Variants in PLEKHA5 observed in about 807,000 individuals in gnomAD.
PLEKHA5 encodes pleckstrin homology domain containing A5.
PLEKHA5 carries 55 observed loss-of-function variants against 181.9 expected under a neutral mutation model. That is an observed-to-expected ratio of 0.30 (90% CI 0.24 to 0.38). The LOEUF (loss-of-function observed/expected upper bound fraction) is 0.38, where lower values mean the gene tolerates loss of function less well. Among genes scored for constraint, PLEKHA5 ranks in the 10% least tolerant of loss-of-function variants. The probability of loss-of-function intolerance (pLI) is 1.00; values close to 1 mark genes in which losing one functional copy is unlikely to be tolerated. For missense variants in PLEKHA5, 1,432 were observed against 1,549.5 expected (o/e 0.92, Z 1.27); for synonymous variants, 535 against 529.4 (o/e 1.01, Z -0.15).
At chr12:19,284,870 C>G (rs965594871) in intron 12 of PLEKHA5, among the ~76,000 whole-genome samples, 16 of 152,106 alleles carry the variant, frequency 1.1e-4, no homozygotes, top group African/African-American at 3.9e-4. Context: ...AAGGTTGAGG[C>G]TGTAGTAAGC....
chr12:19,243,531 C>T (rs1445355061), intron 3 of PLEKHA5: 1 of 152,180 alleles, frequency 6.6e-6, no homozygotes, highest in Non-Finnish European at 1.5e-5. Flanking sequence ...GAGGTTTTCA[C>T]ACCTGATTAA....
intron 3 of PLEKHA5, among the ~76,000 whole-genome samples, chr12:19,238,061 T>C (rs186908896): frequency 1.3e-5 from 2 of 152,154 alleles, no homozygotes; most frequent in Admixed American, 1.3e-4. Flanking sequence ...TTTCAAGGTC[T>C]TTTAGAAGAA....
chr12:19,216,971 T>A (rs1233333212), intron 3 of PLEKHA5, among the ~76,000 whole-genome samples: 1 of 152,224 alleles, frequency 6.6e-6, no homozygotes, highest in Non-Finnish European at 1.5e-5. Context: ...TAATTACTGA[T>A]GTAGTTATTT....
intron 22 of PLEKHA5, among the ~76,000 whole-genome samples, chr12:19,344,049 C>CAA (rs35734108): frequency 8.3e-6 from 1 of 120,966 alleles, no homozygotes. Flanking sequence ...GAAACTGTCC[C>CAA]AAAAAAAAAA....
intron 3 of PLEKHA5, among the ~76,000 whole-genome samples, chr12:19,232,537 A>G (rs1477845527): frequency 6.6e-6 from 1 of 152,108 alleles, no homozygotes; most frequent in Non-Finnish European, 1.5e-5. Flanking sequence ...AAAACTTGAT[A>G]TTTTCAAATT....
At chr12:19,338,240 T>C (rs2093607828) in intron 21 of PLEKHA5, among the ~76,000 whole-genome samples, 1 of 152,080 alleles carries the variant, frequency 6.6e-6, no homozygotes, top group South Asian at 2.1e-4. Context: ...TTTTGTTCTG[T>C]CACCCAGGCT....
intron 3 of PLEKHA5, among the ~76,000 whole-genome samples, chr12:19,195,387 A>AAAGAGGC (rs3983605): frequency 6.6e-6 from 1 of 151,608 alleles, no homozygotes; most frequent in African/African-American, 2.4e-5. Context: ...GATATAAAGT[A>AAAGAGGC]CGGGTGAGTG....
chr12:19,279,628 C>A (rs2075530493), intron 11 of PLEKHA5, among the ~76,000 whole-genome samples: 1 of 151,508 alleles, frequency 6.6e-6, no homozygotes, highest in South Asian at 2.1e-4. Flanking sequence ...CCATTGCACT[C>A]CAGCCTGGAC....
At chr12:19,312,231 C>T (rs954008503) in intron 15 of PLEKHA5, among the ~76,000 whole-genome samples, 6 of 152,200 alleles carry the variant, frequency 3.9e-5, no homozygotes, top group Non-Finnish European at 8.8e-5. Context: ...GTAGATTTAA[C>T]ATCAGGATTT....
At chr12:19,348,640 AC>A in intron 25 of PLEKHA5, 121 bp downstream of exon 25, 1 of 611,902 alleles carries the variant, frequency 1.6e-6, no homozygotes, top group South Asian at 3.7e-5. Flanking sequence ...TTTATCTGAA[AC>A]CTTTGGACTC....
intron 3 of PLEKHA5, among the ~76,000 whole-genome samples, chr12:19,221,069 T>C (rs1265980779): frequency 1.3e-5 from 2 of 152,160 alleles, no homozygotes; most frequent in Non-Finnish European, 2.9e-5. Flanking sequence ...GAATGCAAAA[T>C]TGGAAGACAT....
At chr12:19,236,377 G>A (rs966252995) in intron 3 of PLEKHA5, among the ~76,000 whole-genome samples, 9 of 152,074 alleles carry the variant, frequency 5.9e-5, no homozygotes, top group Non-Finnish European at 8.8e-5. Flanking sequence ...CACTACTATA[G>A]AATCTATCTT....
chr12:19,298,422 T>TTA (rs2080507873), intron 15 of PLEKHA5, among the ~76,000 whole-genome samples: 1 of 148,056 alleles, frequency 6.8e-6, no homozygotes, highest in African/African-American at 2.5e-5. Context: ...TTTTTTTTTT[T>TTA]TTTTTTTGTA....
chr12:19,285,781 C>T (rs1032793226), intron 12 of PLEKHA5, among the ~76,000 whole-genome samples: 1 of 152,142 alleles, frequency 6.6e-6, no homozygotes, highest in South Asian at 2.1e-4. Flanking sequence ...TGAACCTTAA[C>T]ATTTTGTTAC....
chr12:19,278,102 G>A (rs1185217716), intron 11 of PLEKHA5, among the ~76,000 whole-genome samples: 1 of 152,172 alleles, frequency 6.6e-6, no homozygotes, highest in African/African-American at 2.4e-5. Flanking sequence ...AGGTCTCAAA[G>A]TGCTAGAAAT....
intron 3 of PLEKHA5, among the ~76,000 whole-genome samples, chr12:19,240,548 C>A (rs1045615422): frequency 3.3e-5 from 5 of 150,760 alleles, no homozygotes; most frequent in Non-Finnish European, 7.4e-5. Context: ...TTAAGGGATC[C>A]TCCCACCTCA....
chr12:19,356,735 A>G (rs938746689), intron 26 of PLEKHA5, among the ~76,000 whole-genome samples: 5 of 130,750 alleles, frequency 3.8e-5, no homozygotes, highest in African/African-American at 1.5e-4. Flanking sequence ...ATCTCAGCTC[A>G]TTGCAACCTC....
intron 15 of PLEKHA5, among the ~76,000 whole-genome samples, chr12:19,305,182 G>A (rs1476764637): frequency 6.6e-6 from 1 of 151,982 alleles, no homozygotes; most frequent in Non-Finnish European, 1.5e-5. Flanking sequence ...CCAGCCCATG[G>A]GTGTCAGTTG....
At chr12:19,315,569 A>G (rs1374229915) in intron 16 of PLEKHA5, among the ~76,000 whole-genome samples, 8 of 152,158 alleles carry the variant, frequency 5.3e-5, no homozygotes, top group African/African-American at 1.7e-4. Flanking sequence ...ATATGTTTCT[A>G]TCAAATTTTT....
Sources: allele counts gnomAD v4.1 joint callset (sites outside exome capture counted in the v4.1 genomes callset), GRCh38; gene constraint gnomAD v4.1.1; transcripts MANE v1.5; gene names NCBI Gene and HGNC (gene_info 2026-07-23, HGNC 2026-07-21).